Variants in CLEC17A observed in about 807,000 individuals in gnomAD.
CLEC17A encodes C-type lectin domain containing 17A, also known as C-type lectin domain family 17, member A.
A neutral mutation model predicts 61.3 loss-of-function variants in CLEC17A; 37 were observed. The observed-to-expected ratio is 0.60, with a 90% confidence interval of 0.46 to 0.79. The LOEUF (loss-of-function observed/expected upper bound fraction) is 0.79, where lower values mean the gene tolerates loss of function less well. Ranked by LOEUF, CLEC17A falls within the 30% of genes least tolerant of loss-of-function variation. The pLI, the probability that CLEC17A is intolerant of heterozygous loss-of-function variation, is 0.00. For missense variants in CLEC17A, 418 were observed against 464.7 expected (o/e 0.90, Z 0.92); for synonymous variants, 168 against 164.9 (o/e 1.02, Z -0.14).
At chr19:14,609,381 T>C (rs1041553701) in intron 13 of CLEC17A, among the ~76,000 whole-genome samples, 1 of 152,040 alleles carries the variant, frequency 6.6e-6, no homozygotes. Context: ...CTCACCTCTC[T>C]CCTAAGAACA....
intron 2 of CLEC17A, among the ~76,000 whole-genome samples, chr19:14,585,534 A>G (rs1476798045): frequency 6.6e-6 from 1 of 151,806 alleles, no homozygotes; most frequent in East Asian, 1.9e-4. Flanking sequence ...TGTATAGTGG[A>G]GACCATCCTT....
At chr19:14,608,159 A>T (rs963605090) in intron 13 of CLEC17A, among the ~76,000 whole-genome samples, 3 of 152,156 alleles carry the variant, frequency 2.0e-5, no homozygotes, top group African/African-American at 7.2e-5. Context: ...GGCTTGAGCC[A>T]CCACACCTGG....
chr19:14,595,184 T>C, intron 7 of CLEC17A, 90 bp from the exon 8 acceptor site: 1 of 1,479,682 alleles, frequency 6.8e-7, no homozygotes, highest in East Asian at 2.3e-5. Context: ...CCCCCTAAAT[T>C]CTGACCAGAG....
At chr19:14,608,226 C>T (rs1437921167) in intron 13 of CLEC17A, among the ~76,000 whole-genome samples, 1 of 152,166 alleles carries the variant, frequency 6.6e-6, no homozygotes, top group Non-Finnish European at 1.5e-5. Flanking sequence ...ATTGCCATTG[C>T]CTTAAATCTC....
At chr19:14,587,257 G>GTGTGTT (rs909973838) in intron 2 of CLEC17A, among the ~76,000 whole-genome samples, 2 of 143,288 alleles carry the variant, frequency 1.4e-5, no homozygotes, top group African/African-American at 3.0e-5. Flanking sequence ...GTGTGTGTGT[G>GTGTGTT]TGTGTTTGTG....
intron 2 of CLEC17A, among the ~76,000 whole-genome samples, chr19:14,584,637 C>T (rs1359323678): frequency 6.6e-6 from 1 of 151,928 alleles, no homozygotes. Flanking sequence ...TGGGACTTGC[C>T]TGAGGTAGGA....
chr19:14,582,570 CTTAA>C (rs2074195171), upstream of CLEC17A, among the ~76,000 whole-genome samples: 1 of 151,740 alleles, frequency 6.6e-6, no homozygotes. Flanking sequence ...TCTCAAGACC[CTTAA>C]TTAATTAATT....
At position 14,583,116 on chromosome 19, in the gene CLEC17A, G is replaced by T; in HGVS notation, c.-45G>T. On this transcript the variant is annotated 5_prime_UTR_variant, in exon 1 of 14. Transcript: ENST00000417570. ...TGAGTCGGAGAGACAGGGGGCAGAGGTTGCCAAGCCCTGGCTGCCACTTGT... is the reference window on the plus strand; with the variant it reads ...TGAGTCGGAGAGACAGGGGGCAGAGTTTGCCAAGCCCTGGCTGCCACTTGT... 6.2e-7 allele frequency: 1 copy of T among 1,611,972 alleles called. No individual in the cohort carries two copies. Among genetic ancestry groups the T allele is most frequent in the Non-Finnish European group, 8.5e-7 (1 of 1,178,206 alleles).
chr19:14,598,243 GC>G (rs1387391826), intron 10 of CLEC17A, among the ~76,000 whole-genome samples: 1 of 152,032 alleles, frequency 6.6e-6, no homozygotes, highest in Non-Finnish European at 1.5e-5. Context: ...ATCCCTTGAG[GC>G]CAGGAGTTCA....
intron 2 of CLEC17A, chr19:14,584,466 G>T (rs2074241445): frequency 6.6e-6 from 1 of 152,152 alleles, no homozygotes; most frequent in Admixed American, 6.6e-5. Flanking sequence ...GGGACCCTGA[G>T]GCCATGAGAG....
rs934550096 is a variant in CLEC17A at position 14,595,398 on chromosome 19, G to C, written c.445+83G>C. 4.7e-6 allele frequency: 7 copies of C among 1,485,512 alleles called. No individual in the cohort carries two copies. In the Admixed American group the frequency reaches 1.0e-4, roughly 22 times the overall value. 92.0% of individuals were successfully genotyped at this position (1,485,512 alleles called of 1,614,324 possible). A position where few individuals can be genotyped will look rare whatever the true frequency, so the allele number is the denominator to read the frequency against. On this transcript the variant is annotated intron_variant, in intron 8 of 13. Coordinates refer to ENST00000417570, the MANE Select transcript of CLEC17A (RefSeq NM_001204118.2). Reference sequence around the variant, plus strand: ...GGCTCTACAGTGAGACCCTGAGTCAGAGGAACTTCTCCTTTAAGAAGCTGC... The same window carrying C: ...GGCTCTACAGTGAGACCCTGAGTCACAGGAACTTCTCCTTTAAGAAGCTGC...
chr19:14,587,066 T>C (rs1268250962), intron 2 of CLEC17A, among the ~76,000 whole-genome samples: 1 of 151,680 alleles, frequency 6.6e-6, no homozygotes, highest in African/African-American at 2.4e-5. Context: ...TTTTTGTATT[T>C]TTGGTAGAGA....
rs1364779737 is a variant in CLEC17A at position 14,608,384 on chromosome 19, C to T, written c.1004+1282C>T. ...ATTATTTTGGTACACCACCCCCAGT[C>T]ATTCCCATTTCCCTGTGTGCTTGGC... On this transcript the variant is annotated intron_variant, in intron 13 of 13. Transcript: ENST00000417570. 2.0e-5 allele frequency among the ~76,000 whole-genome samples: 3 copies of T among 152,258 alleles called. No individual in the cohort carries two copies. In the East Asian group the frequency reaches 5.8e-4, roughly 29 times the overall value.
chr19:14,595,440 G>T (rs943497146), intron 8 of CLEC17A, 125 bp downstream of exon 8: 3 of 1,030,534 alleles, frequency 2.9e-6, no homozygotes, highest in Non-Finnish European at 4.4e-6. Context: ...AGGACCTGCT[G>T]CACTGTTCTG....
At chr19:14,605,085 C>T (rs1355424154) in intron 12 of CLEC17A, among the ~76,000 whole-genome samples, 1 of 151,656 alleles carries the variant, frequency 6.6e-6, no homozygotes, top group African/African-American at 2.4e-5. Context: ...GTAATCCCAG[C>T]ACTTTGACCT....
At chr19:14,587,962 T>C (rs1174822132) in intron 3 of CLEC17A, among the ~76,000 whole-genome samples, 1 of 151,950 alleles carries the variant, frequency 6.6e-6, no homozygotes, top group Non-Finnish European at 1.5e-5. Flanking sequence ...GAAGGGACTT[T>C]GGGGTGAGAC....
intron 3 of CLEC17A, among the ~76,000 whole-genome samples, chr19:14,591,666 G>A (rs2074422726): frequency 6.6e-6 from 1 of 151,316 alleles, no homozygotes. Flanking sequence ...TGATTCACCT[G>A]CCTCAGCCTC....
At chr19:14,601,588 T>C (rs575937784) in intron 12 of CLEC17A, among the ~76,000 whole-genome samples, 4 of 152,214 alleles carry the variant, frequency 2.6e-5, no homozygotes, top group Admixed American at 6.5e-5. Context: ...GTCTTGACCA[T>C]AGACATAGGA....
chr19:14,595,211 T>C (rs1440998496), intron 7 of CLEC17A, 63 bp from the exon 8 acceptor site: 31 of 1,582,494 alleles, frequency 2.0e-5, no homozygotes, highest in Non-Finnish European at 2.3e-5. Flanking sequence ...ACAGAGGTTG[T>C]TGATCTTGGA....
Sources: gnomAD v4.1 joint callset for allele counts (sites outside exome capture counted in the v4.1 genomes callset) on GRCh38, gnomAD v4.1.1 for gene constraint, MANE v1.5 for transcripts, NCBI Gene and HGNC (gene_info 2026-07-23, HGNC 2026-07-21) for gene names.